Variants in MOK observed in about 807,000 individuals in gnomAD.
MOK encodes the protein MOK protein kinase, also known as MAPK/MAK/MRK overlapping kinase.
Under a neutral mutation model 54.2 loss-of-function variants are expected in MOK, and 59 were observed. That is an observed-to-expected ratio of 1.09 (90% CI 0.88 to 1.35). MOK has a LOEUF of 1.35. MOK is among the 40% of genes most tolerant of loss of function. The pLI, the probability that MOK is intolerant of heterozygous loss-of-function variation, is 0.00. For synonymous variants in MOK, 210 were observed against 202.7 expected (o/e 1.04, Z -0.31); for missense variants, 517 against 526.2 (o/e 0.98, Z 0.17).
At chr14:102,286,771 T>TG (rs1312978895) in intron 1 of MOK, among the ~76,000 whole-genome samples, 1 of 151,732 alleles carries the variant, frequency 6.6e-6, no homozygotes, top group Non-Finnish European at 1.5e-5. Flanking sequence ...TTTAAAATAA[T>TG]GGGTGGCAGG....
At chr14:102,217,578 G>A in the MOK span, among the ~76,000 whole-genome samples, 1 of 152,256 alleles carries the variant, frequency 6.6e-6, no homozygotes, top group Non-Finnish European at 1.5e-5. Context: ...CGGCAAGTCT[G>A]GGGCAGAGAT....
At chr14:102,263,003 A>G (rs901894298) in intron 4 of MOK, among the ~76,000 whole-genome samples, 16 of 152,212 alleles carry the variant, frequency 1.1e-4, no homozygotes, top group South Asian at 2.1e-4. Context: ...GGCAACCTCT[A>G]TAAGTATCTC....
At chr14:102,264,207 T>C (rs2067703833) in intron 3 of MOK, 1 of 113,998 alleles carries the variant, frequency 8.8e-6, no homozygotes, top group Non-Finnish European at 1.7e-5. Flanking sequence ...TGAGACCCTG[T>C]CTCAAAAAAA....
chr14:102,296,488 C>T (rs1021052659), intron 1 of MOK, among the ~76,000 whole-genome samples: 2 of 151,888 alleles, frequency 1.3e-5, no homozygotes, highest in African/African-American at 4.8e-5. Context: ...ACAATGTTAA[C>T]CAGGATTTAC....
At chr14:102,275,138 A>G (rs993748785) in intron 2 of MOK, among the ~76,000 whole-genome samples, 4 of 152,256 alleles carry the variant, frequency 2.6e-5, no homozygotes, top group Non-Finnish European at 5.9e-5. Context: ...ACAGTCAATT[A>G]GCTTTTGACA....
At position 102,232,357 on chromosome 14, in the gene MOK, T is replaced by C. The variant is rs2064805953; in HGVS notation, c.866+178A>G. 2 of 600,588 alleles carry C rather than the reference T, an allele frequency of 3.3e-6. No homozygotes were observed. Among genetic ancestry groups the C allele is most frequent in the Non-Finnish European group, 5.4e-6 (2 of 370,242 alleles). The allele number at this position is 600,588 out of a possible 1,614,324, so 37.2% of individuals were successfully genotyped here. ...GCTAACATCCTCATTTTGGGGAGGATACACCAGAAGGCAGCACGGTGTGGG... is the reference window on the plus strand; with the variant it reads ...GCTAACATCCTCATTTTGGGGAGGACACACCAGAAGGCAGCACGGTGTGGG... On this transcript the variant is annotated intron_variant, in intron 9 of 11. Transcript: ENST00000361847. This position sits in a 1 kb window ranked among gnomAD's most constrained non-coding sequence, Gnocchi z 5.1.
At chr14:102,264,621 T>C (rs2067750226) in intron 3 of MOK, 1 of 152,272 alleles carries the variant, frequency 6.6e-6, no homozygotes, top group Non-Finnish European at 1.5e-5. Context: ...ACGACGTGCA[T>C]GCAGTGTTGA....
intron 4 of MOK, 92 bp from the exon 5 acceptor site, chr14:102,252,087 G>A (rs2066577104): frequency 2.6e-6 from 2 of 779,228 alleles, no homozygotes; most frequent in Non-Finnish European, 4.2e-6. Context: ...TTAACAATGT[G>A]TGAAAATCTA....
At chr14:102,262,168 CAG>C (rs1196599029) in intron 4 of MOK, among the ~76,000 whole-genome samples, 1 of 151,746 alleles carries the variant, frequency 6.6e-6, no homozygotes. Context: ...TTTTTTGAGA[CAG>C]AGTCTCGCTC....
At chr14:102,266,479 G>A (rs2067918638) in intron 2 of MOK, among the ~76,000 whole-genome samples, 1 of 151,934 alleles carries the variant, frequency 6.6e-6, no homozygotes, top group African/African-American at 2.4e-5. Context: ...CAAACTCCCA[G>A]GCTCAAATGA....
rs1160985443 is a variant in MOK at position 102,231,469 on chromosome 14, G to A, written c.981+238C>T. The A allele has an allele frequency of 2.1e-6, 1 of 479,862 alleles. No homozygotes were observed. The highest frequency in any genetic ancestry group is 2.0e-5 in the African/African-American group (1 of 51,146). 29.7% of individuals were successfully genotyped at this position (479,862 alleles called of 1,614,324 possible). A position where few individuals can be genotyped will look rare whatever the true frequency, so the allele number is the denominator to read the frequency against. Reference sequence around the variant, plus strand: ...ATCCCCTCTCTGGGCCTGCTCACATGGGATATTCGTCATCAATTCTTAGCT... The same window carrying A: ...ATCCCCTCTCTGGGCCTGCTCACATAGGATATTCGTCATCAATTCTTAGCT... On this transcript the variant is annotated intron_variant, in intron 10 of 11. Coordinates refer to ENST00000361847, the MANE Select transcript of MOK (RefSeq NM_014226.3). The surrounding 1 kb of genome is among the most constrained non-coding windows in gnomAD (Gnocchi z 4.4).
chr14:102,217,212 G>A, the MOK span, among the ~76,000 whole-genome samples: 1 of 152,162 alleles, frequency 6.6e-6, no homozygotes, highest in African/African-American at 2.4e-5. Flanking sequence ...AGGGCCAAGT[G>A]GGTCCCAGGA....
chr14:102,269,469 C>CTTTT (rs549235481), intron 2 of MOK, among the ~76,000 whole-genome samples: 4 of 129,384 alleles, frequency 3.1e-5, no homozygotes, highest in East Asian at 2.2e-4. Flanking sequence ...CCACAACCAG[C>CTTTT]TTTTTTTTTT....
At chr14:102,222,978 G>C, downstream of MOK, 1 of 1,509,782 alleles carries the variant, frequency 6.6e-7, no homozygotes, top group Non-Finnish European at 9.2e-7. This position sits in a 1 kb window ranked among gnomAD's most constrained non-coding sequence, Gnocchi z 4.4. Flanking sequence ...GCCAGCCGGC[G>C]GACCTCAGGC....
At chr14:102,290,991 C>T (rs2070707240) in intron 1 of MOK, among the ~76,000 whole-genome samples, 1 of 152,102 alleles carries the variant, frequency 6.6e-6, no homozygotes, top group Non-Finnish European at 1.5e-5. Flanking sequence ...TCCCTTTTAT[C>T]CAAGTTTTCC....
At chr14:102,241,891 G>A (rs2065746626) in intron 7 of MOK, among the ~76,000 whole-genome samples, 1 of 152,222 alleles carries the variant, frequency 6.6e-6, no homozygotes, top group African/African-American at 2.4e-5. Flanking sequence ...GCCTCCCCAA[G>A]GATCTTACTT....
rs1463145214 is a variant in MOK, at chr14:102,261,426, T to A, written c.283+2120A>T. The stretch of plus-strand genomic sequence containing the variant: ...AAAAAAAAAAAAAAAAAAATATATA[T>A]ATATATATATATATATATATATATA... On this transcript the variant is annotated intron_variant, in intron 4 of 11. Transcript: ENST00000361847. Among the ~76,000 whole-genome samples, 244 of 49,336 alleles carry A rather than the reference T, an allele frequency of 4.9e-3. 2 individuals carry two copies. The highest frequency in any genetic ancestry group is 6.6e-3 in the Non-Finnish European group (182 of 27,410). The allele number at this position is 49,336 out of a possible 152,430, so 32.4% of individuals were successfully genotyped here. A position where few individuals can be genotyped will look rare whatever the true frequency, so the allele number is the denominator to read the frequency against.
intron 1 of MOK, among the ~76,000 whole-genome samples, chr14:102,298,566 G>A (rs148381927): frequency 0.014 from 2,157 of 152,144 alleles, 57 homozygotes; most frequent in African/African-American, 0.05. Flanking sequence ...GATTGTAAAC[G>A]CACCAATCAG....
At chr14:102,252,981 G>A (rs962918824) in intron 4 of MOK, among the ~76,000 whole-genome samples, 1 of 152,156 alleles carries the variant, frequency 6.6e-6, no homozygotes, top group Non-Finnish European at 1.5e-5. Context: ...AAACATGGTG[G>A]AGACACCGCA....
Sources: allele counts gnomAD v4.1 joint callset (sites outside exome capture counted in the v4.1 genomes callset), GRCh38; gene constraint gnomAD v4.1.1; non-coding constraint Gnocchi (gnomAD v3.1); transcripts MANE v1.5; gene names NCBI Gene and HGNC (gene_info 2026-07-23, HGNC 2026-07-21).